The following AKAP12 variants were observed in gnomAD, a reference collection of about 807,000 sequenced individuals.
The protein encoded by AKAP12 is A-kinase anchor protein 12.
AKAP12 carries 32 observed loss-of-function variants against 79.9 expected under a neutral mutation model. That is an observed-to-expected ratio of 0.40 (90% confidence interval 0.30 to 0.54). The LOEUF (loss-of-function observed/expected upper bound fraction) is 0.54, where lower values mean the gene tolerates loss of function less well. Among genes scored for constraint, AKAP12 ranks in the 20% least tolerant of loss-of-function variants. The pLI is 0.48. For synonymous variants in AKAP12, 808 were observed against 857.0 expected (o/e 0.94, Z 1.00); for missense variants, 2,074 against 2,177.0 (o/e 0.95, Z 0.94).
At chr6:151,248,734 A>T (rs1049580116) in intron 2 of AKAP12, among the ~76,000 whole-genome samples, 1 of 152,202 alleles carries the variant, frequency 6.6e-6, no homozygotes, top group Non-Finnish European at 1.5e-5. Context: ...TCACGCCTGT[A>T]ATCCCAGCAC....
rs755973654 is a variant in AKAP12, at chr6:151,349,823, C to G, written c.1432C>G (p.Gln478Glu). 3 of 1,614,152 alleles carry G rather than the reference C, an allele frequency of 1.9e-6. No homozygotes were observed. The highest frequency in any genetic ancestry group is 1.7e-5 in the Admixed American group (1 of 60,024). Residue 478 changes from glutamine to glutamate, a missense_variant, in exon 4 of 5, where the codon CAG (glutamine) becomes GAG (glutamate). Physicochemically the swap from Gln to Glu is conservative, Grantham distance 29. Transcript: ENST00000402676. ...GTGTGTTTCCGGAGAGGACCCTACA[C>G]AGGGAGCTGACCTCAGTCCTGATGA... ...ETCVSGEDPT[Q>E]GADLSPDEKV...
At chr6:151,253,642 GA>G (rs1165135153) in intron 2 of AKAP12, among the ~76,000 whole-genome samples, 1 of 152,200 alleles carries the variant, frequency 6.6e-6, no homozygotes, top group East Asian at 1.9e-4. Context: ...CTGGGAGGGA[GA>G]GGGGGAATAG....
intron 3 of AKAP12, among the ~76,000 whole-genome samples, chr6:151,317,294 C>G (rs111404142): frequency 1.4e-3 from 212 of 152,330 alleles, no homozygotes; most frequent in African/African-American, 4.0e-3. Context: ...CCTCCAACTG[C>G]TCTTCTCTGT....
intron 2 of AKAP12, among the ~76,000 whole-genome samples, chr6:151,282,250 C>T (rs1469353411): frequency 2.0e-5 from 3 of 152,030 alleles, no homozygotes; most frequent in Non-Finnish European, 4.4e-5. Flanking sequence ...GCTGGGACTA[C>T]AGGCGCGTGC....
intron 2 of AKAP12, among the ~76,000 whole-genome samples, chr6:151,292,381 C>A (rs1171067330): frequency 6.6e-6 from 1 of 152,172 alleles, no homozygotes; most frequent in Non-Finnish European, 1.5e-5. Context: ...TTTAAGCAAT[C>A]TGGTTCAAAG....
intron 3 of AKAP12, among the ~76,000 whole-genome samples, chr6:151,336,128 A>G (rs1562745367): frequency 1.3e-5 from 2 of 152,182 alleles, no homozygotes; most frequent in Non-Finnish European, 2.9e-5. Flanking sequence ...ATAGTATTCC[A>G]TGGTGTATAT....
At chr6:151,348,680 T>TTCTC in intron 3 of AKAP12, 31 bp from the exon 4 acceptor site, 1 of 355,202 alleles carries the variant, frequency 2.8e-6, no homozygotes, top group South Asian at 3.0e-5. Flanking sequence ...TTTTCTCTTC[T>TTCTC]CCCCACCCCC....
rs994794035 is a variant in AKAP12 at position 151,324,207 on chromosome 6, G to A, written c.319+18304G>A. The A allele has an allele frequency of 4.1e-6, 4 of 985,320 alleles. No individual in the cohort carries two copies. The African/African-American group carries it at 7.0e-5, about 17-fold the overall frequency. 61.0% of individuals were successfully genotyped at this position (985,320 alleles called of 1,614,324 possible). ...GGTTGGGAAGCAGCTCAGTGGCTGG[G>A]TCTGGGAGTCAGCTTCCAGGCAATA... On this transcript the variant is annotated intron_variant, in intron 3 of 4. Coordinates refer to ENST00000402676, the MANE Select transcript of AKAP12 (RefSeq NM_005100.4).
At chr6:151,310,751 C>T (rs761098464) in intron 3 of AKAP12, among the ~76,000 whole-genome samples, 3 of 152,160 alleles carry the variant, frequency 2.0e-5, no homozygotes, top group Non-Finnish European at 2.9e-5. Flanking sequence ...CTGCAAAACT[C>T]ATTGCCATAT....
At chr6:151,321,239 G>A (rs769916040) in intron 3 of AKAP12, among the ~76,000 whole-genome samples, 11 of 152,006 alleles carry the variant, frequency 7.2e-5, no homozygotes, top group East Asian at 3.9e-4. Context: ...TGCCCGCCTC[G>A]GCCTCCCAAA....
In AKAP12 at chr6:151,256,606, A is replaced by G. The variant is rs866352072; in HGVS notation, c.162+15882A>G. Among the ~76,000 whole-genome samples, 349 of 151,712 alleles carry G rather than the reference A, an allele frequency of 2.3e-3. 2 individuals carry two copies. The highest frequency in any genetic ancestry group is 6.8e-3 in the African/African-American group (282 of 41,388). ...ATAAAGATGATTGTATTTTTTATAT[A>G]TGTGTGTGTGTGTATATACACATGT... On this transcript the variant is annotated intron_variant, in intron 2 of 4. Coordinates refer to ENST00000402676, the MANE Select transcript of AKAP12 (RefSeq NM_005100.4).
chr6:151,328,453 A>G (rs1295993213), intron 3 of AKAP12, among the ~76,000 whole-genome samples: 1 of 152,032 alleles, frequency 6.6e-6, no homozygotes, highest in Non-Finnish European at 1.5e-5. Context: ...CCTGACCAAC[A>G]TGGTGAAACC....
intron 3 of AKAP12, among the ~76,000 whole-genome samples, chr6:151,330,768 T>G (rs1777646938): frequency 6.6e-6 from 1 of 152,150 alleles, no homozygotes; most frequent in African/African-American, 2.4e-5. Context: ...AGAAAACAAT[T>G]TATAATTTAT....
intron 3 of AKAP12, among the ~76,000 whole-genome samples, chr6:151,340,251 T>TA (rs1322589245): frequency 2.6e-4 from 39 of 151,466 alleles, no homozygotes; most frequent in Non-Finnish European, 5.6e-4. Flanking sequence ...TTTTTTTTTT[T>TA]TAGTGCTGAA....
intron 3 of AKAP12, among the ~76,000 whole-genome samples, chr6:151,336,735 T>A (rs1401776361): frequency 6.6e-6 from 1 of 152,192 alleles, no homozygotes; most frequent in African/African-American, 2.4e-5. Context: ...AGAGCGAGAC[T>A]CTGTCTCAAA....
intron 3 of AKAP12, among the ~76,000 whole-genome samples, chr6:151,320,800 G>A (rs1186889489): frequency 2.0e-5 from 3 of 152,150 alleles, no homozygotes; most frequent in Non-Finnish European, 2.9e-5. Context: ...AGCCTCCAAT[G>A]GCTCCCTATA....
chr6:151,351,456 T>A lies in AKAP12; in HGVS notation c.3065T>A (p.Val1022Glu). The change falls in exon 4 of 5, where the codon GTG becomes GAG. Residue 1022 changes from valine (V) to glutamate (E), a missense_variant. Coordinates refer to ENST00000402676, the MANE Select transcript of AKAP12 (RefSeq NM_005100.4). This position sits in a 1 kb window ranked among gnomAD's most constrained non-coding sequence, Gnocchi z 4.4. The stretch of plus-strand genomic sequence containing the variant: ...GACACCACAGAGGAGGCCACTCCGG[T>A]GCAGGAGGTGGAAGGTGGCGTACCT... Reference protein sequence around the residue: ...SPDTTEEATPVQEVEGGVPDI... With the variant: ...SPDTTEEATPEQEVEGGVPDI... 2 of 1,614,136 alleles carry A rather than the reference T, an allele frequency of 1.2e-6. No homozygotes were observed.
chr6:151,343,313 T>G (rs952742592), intron 3 of AKAP12, among the ~76,000 whole-genome samples: 1 of 152,220 alleles, frequency 6.6e-6, no homozygotes, highest in Non-Finnish European at 1.5e-5. Flanking sequence ...TTTAATCACA[T>G]GCTTGCTGGC....
chr6:151,289,559 A>G (rs568109401), intron 2 of AKAP12, among the ~76,000 whole-genome samples: 53 of 152,200 alleles, frequency 3.5e-4, no homozygotes, highest in Non-Finnish European at 6.9e-4. Flanking sequence ...CTTCTTAAGA[A>G]ACACTCTCCC....
Sources: gnomAD v4.1 joint callset for allele counts (sites outside exome capture counted in the v4.1 genomes callset) on GRCh38, gnomAD v4.1.1 for gene constraint, Gnocchi (gnomAD v3.1) non-coding constraint, MANE v1.5 for transcripts, NCBI Gene and HGNC (gene_info 2026-07-23, HGNC 2026-07-21) for gene names.